SLC10A7: variants seen among roughly 807,000 people sequenced by gnomAD.
SLC10A7 encodes solute carrier family 10 member 7.
A neutral mutation model predicts 43.2 loss-of-function variants in SLC10A7; 29 were observed. The ratio of observed to expected loss-of-function variants is 0.67; its 90% CI spans 0.50 to 0.92. SLC10A7 has a LOEUF of 0.92. Ranked by LOEUF, SLC10A7 falls within the 40% of genes least tolerant of loss-of-function variation. The pLI is 0.00. For missense variants in SLC10A7, 295 were observed against 403.2 expected (o/e 0.73, Z 2.30); for synonymous variants, 152 against 144.8 (o/e 1.05, Z -0.35).
intron 5 of SLC10A7, among the ~76,000 whole-genome samples, chr4:146,333,093 A>G (rs1294030275): frequency 6.6e-6 from 1 of 152,178 alleles, no homozygotes; most frequent in Non-Finnish European, 1.5e-5. Context: ...TATGCCATAA[A>G]CAGTTCCCAC....
In SLC10A7 at chr4:146,434,251, G is replaced by A. The variant is rs563120622; in HGVS notation, c.435+8532C>T. 2.0e-5 allele frequency among the ~76,000 whole-genome samples: 3 copies of A among 152,242 alleles called. No homozygotes were observed. The South Asian group carries it at 6.2e-4, about 32-fold the overall frequency. ...CAAAATGCTGATTCGTTATAGCTAG[G>A]TGATTCTATCTATATTTTTCATAAG... On this transcript the variant is annotated intron_variant, in intron 5 of 11. Coordinates refer to ENST00000335472, the MANE Select transcript of SLC10A7 (RefSeq NM_001029998.6).
chr4:146,504,518 C>CAAA (rs5862761), intron 3 of SLC10A7, among the ~76,000 whole-genome samples: 19 of 88,512 alleles, frequency 2.1e-4, no homozygotes, highest in South Asian at 4.1e-4. Flanking sequence ...GACTCCGTCT[C>CAAA]AAAAAAAAAA....
chr4:146,328,187 G>A (rs938314736), intron 5 of SLC10A7, among the ~76,000 whole-genome samples: 25 of 151,536 alleles, frequency 1.6e-4, no homozygotes, highest in East Asian at 3.9e-4. Flanking sequence ...TGCACAGGTC[G>A]TCTGAGAACC....
intron 4 of SLC10A7, among the ~76,000 whole-genome samples, chr4:146,481,258 C>A (rs1368753559): frequency 6.6e-6 from 1 of 152,206 alleles, no homozygotes; most frequent in Non-Finnish European, 1.5e-5. Context: ...TCCAAATAGG[C>A]ACAGTGTCAT....
intron 5 of SLC10A7, among the ~76,000 whole-genome samples, chr4:146,360,933 A>G (rs1346390264): frequency 6.6e-6 from 1 of 152,122 alleles, no homozygotes; most frequent in African/African-American, 2.4e-5. Flanking sequence ...TATAAGTTCA[A>G]TGAACTTATT....
At chr4:146,508,919 A>G (rs763704862) in intron 3 of SLC10A7, among the ~76,000 whole-genome samples, 1 of 152,116 alleles carries the variant, frequency 6.6e-6, no homozygotes, top group Non-Finnish European at 1.5e-5. Context: ...CTACTTTTAT[A>G]CCGCTAGGAC....
At chr4:146,515,256 A>G in intron 2 of SLC10A7, 1 of 680,544 alleles carries the variant, frequency 1.5e-6, no homozygotes, top group Non-Finnish European at 2.7e-6. Context: ...CGCCCCAAGT[A>G]AAGGACTTGG....
chr4:146,271,004 A>G (rs1449552899), intron 10 of SLC10A7, among the ~76,000 whole-genome samples: 1 of 152,146 alleles, frequency 6.6e-6, no homozygotes, highest in African/African-American at 2.4e-5. Flanking sequence ...TTGGGTGTCT[A>G]TAGGTCTGGC....
chr4:146,515,261 A>C, intron 2 of SLC10A7: 2 of 672,734 alleles, frequency 3.0e-6, no homozygotes, highest in Non-Finnish European at 5.4e-6. Flanking sequence ...CAAGTAAAGG[A>C]CTTGGGTTAG....
intron 5 of SLC10A7, chr4:146,442,036 A>G (rs1447399000): frequency 4.1e-6 from 4 of 977,656 alleles, no homozygotes; most frequent in Non-Finnish European, 4.9e-6. Flanking sequence ...CCCAAAAAAT[A>G]CAATATGATA....
At chr4:146,373,556 G>A (rs933281087) in intron 5 of SLC10A7, among the ~76,000 whole-genome samples, 4 of 151,880 alleles carry the variant, frequency 2.6e-5, no homozygotes, top group African/African-American at 7.3e-5. Flanking sequence ...ACAGGGATCA[G>A]GTCAAAAAGC....
intron 6 of SLC10A7, among the ~76,000 whole-genome samples, chr4:146,313,164 C>T (rs1732093710): frequency 6.6e-6 from 1 of 152,134 alleles, no homozygotes. Context: ...ATTGACCCTA[C>T]CCGCTTAAGG....
chr4:146,499,892 C>T (rs1486332949), intron 4 of SLC10A7, among the ~76,000 whole-genome samples: 2 of 152,090 alleles, frequency 1.3e-5, no homozygotes, highest in South Asian at 2.1e-4. Flanking sequence ...TCTAATGCTA[C>T]GTCAATGTCA....
chr4:146,395,563 A>C (rs1479549889), intron 5 of SLC10A7, among the ~76,000 whole-genome samples: 1 of 152,222 alleles, frequency 6.6e-6, no homozygotes, highest in Non-Finnish European at 1.5e-5. Context: ...CACCTAATAG[A>C]TAGAACAATT....
At position 146,258,724 on chromosome 4, in the gene SLC10A7, T is replaced by G. The variant is rs1282054433; in HGVS notation, c.961A>C (p.Thr321Pro). 4.4e-6 allele frequency: 7 copies of G among 1,604,252 alleles called. No homozygotes were observed. The Admixed American group carries it at 1.1e-4, about 24-fold the overall frequency. Residue 321 changes from threonine (T) to proline (P), a missense_variant, in exon 11 of 12, where the codon ACA becomes CCA. Physicochemically the swap from Thr to Pro is conservative, Grantham distance 38. This residue lies in a region of SLC10A7 where 242 missense variants were observed against 362.5 expected (regional missense o/e 0.67). Transcript: ENST00000335472. Reference sequence around the variant, plus strand: ...CTTGATACCATCCAAGACTTGATTGTTGGCACCAACACACTTCCCAGAAGG... The same window carrying G: ...CTTGATACCATCCAAGACTTGATTGGTGGCACCAACACACTTCCCAGAAGG... ...QILLGSVLVP[T>P]IKSWMVSRQK...
chr4:146,396,285 G>A (rs1289723074), intron 5 of SLC10A7, among the ~76,000 whole-genome samples: 1 of 151,986 alleles, frequency 6.6e-6, no homozygotes, highest in Non-Finnish European at 1.5e-5. Context: ...CTTGCAACAT[G>A]GAAAGAAACA....
chr4:146,335,250 G>GAAAAAAAAAAAAAA lies in SLC10A7; in HGVS notation c.436-9255_436-9254insTTTTTTTTTTTTTT, dbSNP rs772547279. 2.1e-4 allele frequency among the ~76,000 whole-genome samples: 15 copies of GAAAAAAAAAAAAAA among 70,624 alleles called. 1 individual carries two copies. Among genetic ancestry groups the GAAAAAAAAAAAAAA allele is most frequent in the Admixed American group, 1.1e-3 (5 of 4,438 alleles). 46.3% of individuals were successfully genotyped at this position (70,624 alleles called of 152,430 possible). A position where few individuals can be genotyped will look rare whatever the true frequency, so the allele number is the denominator to read the frequency against. ...TCATTAAAGTGTTGCCACAGATGTT[G>GAAAAAAAAAAAAAA]TAAAAAAAAAAAAAAAAAAAAAAAA... is the stretch of plus-strand genomic sequence containing the variant. On this transcript the variant is annotated intron_variant, in intron 5 of 11. Transcript: ENST00000335472.
At position 146,379,959 on chromosome 4, in the gene SLC10A7, CTG is replaced by C. The variant is rs869182731; in HGVS notation, c.436-53965_436-53964del. 8.3e-3 allele frequency among the ~76,000 whole-genome samples: 668 copies of C among 80,330 alleles called. 21 individuals are homozygous for C. The East Asian group carries it at 0.12, about 14-fold the overall frequency. The allele number at this position is 80,330 out of a possible 152,430, so 52.7% of individuals were successfully genotyped here. ...ATTCTCTCTCTCTCTCTCTCTCTCT[CTG>C]TGTGTGTGTGTGTGTGTGTGTGCGT... is the stretch of plus-strand genomic sequence containing the variant. On this transcript the variant is annotated intron_variant, in intron 5 of 11. Transcript: ENST00000335472.
At chr4:146,485,229 AT>A (rs1330348799) in intron 4 of SLC10A7, among the ~76,000 whole-genome samples, 2 of 152,116 alleles carry the variant, frequency 1.3e-5, no homozygotes, top group African/African-American at 4.8e-5. Context: ...GTGACTAGAG[AT>A]TTTTTAGTTA....
Sources: allele counts gnomAD v4.1 joint callset (sites outside exome capture counted in the v4.1 genomes callset), GRCh38; gene constraint gnomAD v4.1.1; regional missense constraint gnomAD v4.1.1; transcripts MANE v1.5; gene names NCBI Gene and HGNC (gene_info 2026-07-23, HGNC 2026-07-21).